Variants in SPACDR observed in about 807,000 individuals in gnomAD.
SPACDR encodes sperm acrosome developmental regulator.
the SPACDR span, chr7:100,456,736 GGGTCTGGGGTTCCCCCTAGA>G: frequency 1.9e-6 from 3 of 1,564,216 alleles, no homozygotes; most frequent in East Asian, 6.8e-5. Flanking sequence ...GACTCTCTAA[GGGTCTGGGGTTCCCCCTAGA>G]GGGGACTTTG....
the SPACDR span, chr7:100,456,801 CG>C: frequency 5.0e-6 from 8 of 1,612,944 alleles, no homozygotes; most frequent in East Asian, 2.2e-5. Flanking sequence ...CGGGTTGGGT[CG>C]GGGGGCAGCA....
chr7:100,461,949 C>T, the SPACDR span, among the ~76,000 whole-genome samples: 5 of 148,960 alleles, frequency 3.4e-5, no homozygotes, highest in South Asian at 2.2e-4. Flanking sequence ...ACCGAGATCC[C>T]GCCACTGCAC....
the SPACDR span, chr7:100,456,756 A>G: frequency 1.8e-5 from 29 of 1,605,100 alleles, no homozygotes; most frequent in Non-Finnish European, 4.3e-6. Flanking sequence ...TTCCCCCTAG[A>G]GGGGACTTTG....
At chr7:100,463,873 G>A in the SPACDR span, 7 of 1,441,114 alleles carry the variant, frequency 4.9e-6, no homozygotes, top group Non-Finnish European at 6.7e-6. Flanking sequence ...CACAGGCCAG[G>A]AAGGGAGGGA....
At chr7:100,460,276 C>T in the SPACDR span, among the ~76,000 whole-genome samples, 1 of 149,766 alleles carries the variant, frequency 6.7e-6, no homozygotes, top group Admixed American at 6.7e-5. Flanking sequence ...ATGATAACTG[C>T]GTGGTTAGTT....
the SPACDR span, among the ~76,000 whole-genome samples, chr7:100,460,316 G>A: frequency 5.3e-5 from 8 of 151,920 alleles, no homozygotes; most frequent in South Asian, 4.2e-4. Flanking sequence ...TTGGCCAGGC[G>A]CTGTGGCTCA....
At chr7:100,457,965 G>A in the SPACDR span, among the ~76,000 whole-genome samples, 1 of 150,854 alleles carries the variant, frequency 6.6e-6, no homozygotes, top group Non-Finnish European at 1.5e-5. Flanking sequence ...TTACAGGCGT[G>A]AGTCGCCACG....
At chr7:100,460,830 G>A in the SPACDR span, among the ~76,000 whole-genome samples, 3 of 151,886 alleles carry the variant, frequency 2.0e-5, no homozygotes, top group Non-Finnish European at 4.4e-5. Flanking sequence ...TGTAGAGATG[G>A]GGTCTCCCTG....
chr7:100,457,666 G>A, the SPACDR span, among the ~76,000 whole-genome samples: 1 of 141,230 alleles, frequency 7.1e-6, no homozygotes, highest in Non-Finnish European at 1.5e-5. Flanking sequence ...TGTCACCCAG[G>A]CTGGAGTGCA....
the SPACDR span, among the ~76,000 whole-genome samples, chr7:100,457,855 A>ATTTT: frequency 2.6e-4 from 18 of 68,016 alleles, no homozygotes; most frequent in African/African-American, 1.1e-3. Flanking sequence ...ATATATATAT[A>ATTTT]TATTTTTTTT....
the SPACDR span, among the ~76,000 whole-genome samples, chr7:100,458,110 A>G: frequency 1.3e-5 from 2 of 151,742 alleles, no homozygotes; most frequent in African/African-American, 2.4e-5. Context: ...TTGCAAATCT[A>G]TACTATTATA....
chr7:100,464,084 GTGGCGGGTGGGGGATGGGGT>G, the SPACDR span: 1 of 1,515,860 alleles, frequency 6.6e-7, no homozygotes, highest in Non-Finnish European at 8.9e-7. Flanking sequence ...TACGGTGGGG[GTGGCGGGTGGGGGATGGGGT>G]GGGCTGTGGG....
chr7:100,457,803 A>ATGTATGTGTGTG, the SPACDR span, among the ~76,000 whole-genome samples: 1 of 72,606 alleles, frequency 1.4e-5, no homozygotes, highest in Non-Finnish European at 2.2e-5. Flanking sequence ...ATATATATAT[A>ATGTATGTGTGTG]TGTGTGTGTG....
the SPACDR span, among the ~76,000 whole-genome samples, chr7:100,462,259 G>A: frequency 1.3e-5 from 2 of 151,982 alleles, no homozygotes; most frequent in African/African-American, 2.4e-5. Flanking sequence ...TGTCGCCCAG[G>A]CTGGAGTGCA....
the SPACDR span, among the ~76,000 whole-genome samples, chr7:100,461,640 C>G: frequency 6.6e-6 from 1 of 152,024 alleles, no homozygotes. Flanking sequence ...CCCTAACAAC[C>G]CTTTCAAGCC....
chr7:100,456,862 G>C, the SPACDR span: 2 of 1,613,476 alleles, frequency 1.2e-6, no homozygotes, highest in Non-Finnish European at 1.7e-6. Context: ...CGGTACAGCC[G>C]GCGCAGGTGT....
chr7:100,459,245 C>T, the SPACDR span, among the ~76,000 whole-genome samples: 4 of 151,496 alleles, frequency 2.6e-5, no homozygotes, highest in South Asian at 4.2e-4. Flanking sequence ...CTCCTGACCT[C>T]GAGATCCGCC....
chr7:100,457,122 C>T, the SPACDR span: 1 of 589,472 alleles, frequency 1.7e-6, no homozygotes, highest in Non-Finnish European at 3.0e-6. Context: ...ACATCACCTC[C>T]TCCAGAAAGC....
chr7:100,460,322 G>A, the SPACDR span, among the ~76,000 whole-genome samples: 1 of 148,660 alleles, frequency 6.7e-6, no homozygotes, highest in Non-Finnish European at 1.5e-5. Flanking sequence ...AGGCGCTGTG[G>A]CTCACGCCTG....
Sources: gnomAD v4.1 joint callset for allele counts (sites outside exome capture counted in the v4.1 genomes callset) on GRCh38, gnomAD v4.1.1 for gene constraint, MANE v1.5 for transcripts, NCBI Gene and HGNC (gene_info 2026-07-23, HGNC 2026-07-21) for gene names.